Variants in PACSIN1 observed in about 807,000 individuals in gnomAD.
The protein encoded by PACSIN1 is protein kinase C and casein kinase substrate in neurons protein 1.
In PACSIN1, 15 loss-of-function variants were observed where a neutral mutation model predicts 59.5. The observed-to-expected ratio is 0.25, with a 90% confidence interval of 0.17 to 0.39. The LOEUF is 0.39. Among genes scored for constraint, PACSIN1 ranks in the 10% least tolerant of loss-of-function variants. The pLI, the probability that PACSIN1 is intolerant of heterozygous loss-of-function variation, is 1.00. For synonymous variants in PACSIN1, 210 were observed against 220.6 expected, an observed-to-expected ratio of 0.95 and a Z score of 0.42; for missense variants, 420 against 580.2, an observed-to-expected ratio of 0.72 and a Z score of 2.84.
At chr6:34,476,688 C>A (rs1214473708) in intron 1 of PACSIN1, among the ~76,000 whole-genome samples, 1 of 152,204 alleles carries the variant, frequency 6.6e-6, no homozygotes, top group East Asian at 1.9e-4. Context: ...CCAGCCCCAG[C>A]ATGGCCTGGG....
At chr6:34,483,001 CTTTTTTTT>C (rs34111587) in intron 1 of PACSIN1, among the ~76,000 whole-genome samples, 2 of 112,018 alleles carry the variant, frequency 1.8e-5, no homozygotes, top group African/African-American at 7.0e-5. Flanking sequence ...CCATGTTTAA[CTTTTTTTT>C]TTTTTTTTTT....
chr6:34,501,771 C>T (rs1278431603), intron 1 of PACSIN1, among the ~76,000 whole-genome samples: 1 of 152,118 alleles, frequency 6.6e-6, no homozygotes, highest in African/African-American at 2.4e-5. Context: ...GTGGCTCACG[C>T]CTGTAATCCA....
At chr6:34,490,545 G>T (rs1171309273) in intron 1 of PACSIN1, among the ~76,000 whole-genome samples, 5 of 152,090 alleles carry the variant, frequency 3.3e-5, no homozygotes, top group Non-Finnish European at 4.4e-5. Flanking sequence ...CCCTTCTGAT[G>T]ACCGAGCGCC....
At chr6:34,505,149 C>A (rs1225676657) in intron 1 of PACSIN1, among the ~76,000 whole-genome samples, 1 of 152,098 alleles carries the variant, frequency 6.6e-6, no homozygotes, top group Non-Finnish European at 1.5e-5. Context: ...TGCACGCCAC[C>A]ACACCCAGCT....
At chr6:34,494,642 C>A (rs1444188069) in intron 1 of PACSIN1, among the ~76,000 whole-genome samples, 1 of 152,118 alleles carries the variant, frequency 6.6e-6, no homozygotes, top group Non-Finnish European at 1.5e-5. Context: ...TGGTGTCTGG[C>A]TGTGTTGCCC....
At chr6:34,493,376 A>C (rs1405879609) in intron 1 of PACSIN1, among the ~76,000 whole-genome samples, 1 of 152,188 alleles carries the variant, frequency 6.6e-6, no homozygotes, top group Non-Finnish European at 1.5e-5. Context: ...GCAAGCATTC[A>C]TGTGCGTGTC....
At chr6:34,494,596 C>G (rs1008144944) in intron 1 of PACSIN1, among the ~76,000 whole-genome samples, 7 of 152,084 alleles carry the variant, frequency 4.6e-5, no homozygotes, top group Admixed American at 6.6e-5. Flanking sequence ...TTGTGCACCC[C>G]CCATGCCTGG....
Position 34,531,663 on chromosome 6 carries a change from C to A in PACSIN1, c.1101C>A (p.Asn367Lys). The change falls in exon 9 of 10, where the codon AAC becomes AAA. Residue 367 changes from asparagine to lysine, a missense_variant. Coordinates refer to ENST00000244458, the MANE Select transcript of PACSIN1 (RefSeq NM_020804.5). This position sits in a 1 kb window ranked among gnomAD's most constrained non-coding sequence, Gnocchi z 4.4. ...ATEWSDDESGNPFGGSETNGG... is the reference protein window; with the variant it reads ...ATEWSDDESGKPFGGSETNGG... ...AGTGGTCAGACGACGAGAGTGGGAA[C>A]CCCTTTGGGGGCAGTGAGACCAACG... 2.5e-6 allele frequency: 4 copies of A among 1,614,014 alleles called. No homozygotes were observed. The highest frequency in any genetic ancestry group is 1.3e-5 in the African/African-American group (1 of 75,058).
Position 34,526,375 on chromosome 6 carries a change from C to T in PACSIN1, c.63+7C>T, listed in dbSNP as rs755568108. The T allele has an allele frequency of 1.2e-6, 2 of 1,611,162 alleles. No individual in the cohort carries two copies. The highest frequency in any genetic ancestry group is 2.2e-5 in the South Asian group (2 of 91,000). Reference sequence around the variant, plus strand: ...CACCGACAGCTTCTGGGAGGTGAGGCTCTCATGATCCCCAGGTTCGGGGAC... The same window carrying T: ...CACCGACAGCTTCTGGGAGGTGAGGTTCTCATGATCCCCAGGTTCGGGGAC... On this transcript the variant is annotated splice_region_variant and intron_variant, in intron 2 of 9. Transcript: ENST00000244458.
rs1211839954 is a variant in PACSIN1, at chr6:34,532,881, ACTCCAGG to A, written c.*354_*360del. On this transcript the variant is annotated 3_prime_UTR_variant, in exon 10 of 10. Coordinates refer to ENST00000244458, the MANE Select transcript of PACSIN1 (RefSeq NM_020804.5). This position sits in a 1 kb window ranked among gnomAD's most constrained non-coding sequence, Gnocchi z 5.2. ...CGCCTCACTCCCTCCGTCCCACTCC[ACTCCAGG>A]CTGCCGGCACCTGCCCCATTCCCTG... 5.4e-6 allele frequency: 1 copy of A among 184,500 alleles called. No individual in the cohort carries two copies. The highest frequency in any genetic ancestry group is 6.0e-5 in the Admixed American group (1 of 16,568). 11.4% of individuals were successfully genotyped at this position (184,500 alleles called of 1,614,324 possible).
At chr6:34,470,783 A>C (rs573009022) in intron 1 of PACSIN1, among the ~76,000 whole-genome samples, 1 of 152,098 alleles carries the variant, frequency 6.6e-6, no homozygotes, top group South Asian at 2.1e-4. Flanking sequence ...AATGCAGCAT[A>C]CTCAGGTAAT....
At chr6:34,503,847 G>A (rs765615612) in intron 1 of PACSIN1, among the ~76,000 whole-genome samples, 5 of 152,082 alleles carry the variant, frequency 3.3e-5, no homozygotes, top group Non-Finnish European at 7.3e-5. Flanking sequence ...ACTGCCACCC[G>A]GATCAGAATA....
intron 1 of PACSIN1, among the ~76,000 whole-genome samples, chr6:34,505,527 CTT>C (rs35006388): frequency 2.8e-5 from 3 of 109,028 alleles, no homozygotes; most frequent in African/African-American, 6.9e-5. Context: ...CCTTTTCTTT[CTT>C]TTTTTTTTTT....
rs1767579811 is a variant in PACSIN1, at chr6:34,530,731, A to T, written c.1037+144A>T. The T allele has an allele frequency of 1.1e-6, 1 of 931,786 alleles. No individual in the cohort carries two copies. Among genetic ancestry groups the T allele is most frequent in the African/African-American group, 1.7e-5 (1 of 58,604 alleles). 57.7% of individuals were successfully genotyped at this position (931,786 alleles called of 1,614,324 possible). ...AAGATAGTGGTAGTTCATCACTCTA[A>T]AGCAGCCGTCCCCAATCTTTTTGGG... On this transcript the variant is annotated intron_variant, in intron 8 of 9. Transcript: ENST00000244458. The surrounding 1 kb of genome is among the most constrained non-coding windows in gnomAD (Gnocchi z 4.4).
rs1199924209 is a variant in PACSIN1 at position 34,529,803 on chromosome 6, G to A, written c.750G>A (p.Leu250=). 1.9e-6 allele frequency: 3 copies of A among 1,613,946 alleles called. No individual in the cohort carries two copies. The highest frequency in any genetic ancestry group is 2.5e-6 in the Non-Finnish European group (3 of 1,179,950). ...KRLVFLKEVL[L]DIKRHLNLAE... is the part of the protein sequence containing the mutation. ...TGGTCTTCCTCAAGGAGGTGCTGCT[G>A]GACATCAAACGGCACCTCAACCTGG... is the stretch of plus-strand genomic sequence containing the variant. The change falls in exon 6 of 10, where the codon CTG becomes CTA. Residue 250 remains leucine, a synonymous_variant. Coordinates refer to ENST00000244458, the MANE Select transcript of PACSIN1 (RefSeq NM_020804.5). This position sits in a 1 kb window ranked among gnomAD's most constrained non-coding sequence, Gnocchi z 6.3.
At chr6:34,509,690 A>G (rs1241673135) in intron 1 of PACSIN1, among the ~76,000 whole-genome samples, 5 of 152,206 alleles carry the variant, frequency 3.3e-5, no homozygotes, top group Admixed American at 6.5e-5. Context: ...CTTCCAATTC[A>G]TGAACATGAG....
rs1767510743 is a variant in PACSIN1 at position 34,527,506 on chromosome 6, C to CTGGCCCCACGTTTTCTCACTGACTGTTT, written c.220+18_220+19insTGGCCCCACGTTTTCTCACTGACTGTTT. The CTGGCCCCACGTTTTCTCACTGACTGTTT allele has an allele frequency of 6.4e-7, 1 of 1,572,388 alleles. No homozygotes were observed. On this transcript the variant is annotated intron_variant, in intron 3 of 9. Transcript: ENST00000244458. The stretch of plus-strand genomic sequence containing the variant: ...CGAGAAAGGTGCTCCCCCAGGCTCA[C>CTGGCCCCACGTTTTCTCACTGACTGTTT]ATCGTGCGCGCCCCCAGGCCGTCAC...
chr6:34,530,115 A>G lies in PACSIN1; in HGVS notation c.789-128A>G. 1 of 1,306,758 alleles carries G rather than the reference A, an allele frequency of 7.7e-7. No individual in the cohort carries two copies. Among genetic ancestry groups the G allele is most frequent in the Non-Finnish European group, 1.0e-6 (1 of 966,222 alleles). 80.9% of individuals were successfully genotyped at this position (1,306,758 alleles called of 1,614,324 possible). ...CCCGGAGCTTATTCTTGCAAAGCCC[A>G]CATGATTCCTGGCTGGGCAGCATGC... On this transcript the variant is annotated intron_variant, in intron 6 of 9. Coordinates refer to ENST00000244458, the MANE Select transcript of PACSIN1 (RefSeq NM_020804.5). The surrounding 1 kb of genome is among the most constrained non-coding windows in gnomAD (Gnocchi z 4.4).
At chr6:34,495,349 G>T (rs116434998) in intron 1 of PACSIN1, among the ~76,000 whole-genome samples, 1 of 152,190 alleles carries the variant, frequency 6.6e-6, no homozygotes, top group East Asian at 1.9e-4. Context: ...CTAATGATTG[G>T]AATCACATGA....
Sources: gnomAD v4.1 joint callset for allele counts (sites outside exome capture counted in the v4.1 genomes callset) on GRCh38, gnomAD v4.1.1 for gene constraint, Gnocchi (gnomAD v3.1) non-coding constraint, MANE v1.5 for transcripts, NCBI Gene and HGNC (gene_info 2026-07-23, HGNC 2026-07-21) for gene names.